Variants in RAB38 observed in about 807,000 individuals in gnomAD.
RAB38 encodes the protein ras-related protein Rab-38.
In RAB38, 15 loss-of-function variants were observed where a neutral mutation model predicts 18.4. The observed-to-expected ratio is 0.82, with a 90% CI of 0.55 to 1.26. RAB38 has a LOEUF of 1.26. Among genes scored for constraint, RAB38 ranks in the 50% most tolerant of loss-of-function variants. The pLI is 0.00. For missense variants in RAB38, 294 were observed against 267.4 expected (o/e 1.10, Z -0.69); for synonymous variants, 101 against 104.4 (o/e 0.97, Z 0.20).
intron 2 of RAB38, among the ~76,000 whole-genome samples, chr11:88,127,551 A>G (rs1942714247): frequency 1.3e-5 from 2 of 152,184 alleles, no homozygotes; most frequent in Admixed American, 1.3e-4. Context: ...TCATTAACCA[A>G]TTTTATATTA....
chr11:88,017,091 G>A, the RAB38 span, among the ~76,000 whole-genome samples: 1 of 152,060 alleles, frequency 6.6e-6, no homozygotes, highest in Non-Finnish European at 1.5e-5. Context: ...ATTTGAAGGA[G>A]GAGCAGCAGC....
At chr11:88,073,125 G>T in the RAB38 span, among the ~76,000 whole-genome samples, 1 of 152,134 alleles carries the variant, frequency 6.6e-6, no homozygotes, top group African/African-American at 2.4e-5. Flanking sequence ...ACCATCTTGT[G>T]TTTCTTGGCA....
chr11:88,035,617 C>A, the RAB38 span, among the ~76,000 whole-genome samples: 4 of 152,164 alleles, frequency 2.6e-5, no homozygotes, highest in African/African-American at 7.2e-5. Context: ...AAGACATAGA[C>A]CAGAAATCTA....
At chr11:88,148,224 T>C (rs1943016110) in intron 2 of RAB38, among the ~76,000 whole-genome samples, 1 of 152,132 alleles carries the variant, frequency 6.6e-6, no homozygotes, top group African/African-American at 2.4e-5. Context: ...TAAAAGCTAG[T>C]GACAGAAGAG....
chr11:87,957,817 G>T, the RAB38 span, among the ~76,000 whole-genome samples: 2 of 151,998 alleles, frequency 1.3e-5, no homozygotes, highest in African/African-American at 4.8e-5. Context: ...AGCATGAGAA[G>T]GTCAGAGTGA....
At chr11:88,109,141 CA>C (rs898104233), downstream of RAB38, among the ~76,000 whole-genome samples, 1 of 152,090 alleles carries the variant, frequency 6.6e-6, no homozygotes, top group African/African-American at 2.4e-5. Context: ...AACTATACTA[CA>C]AGGCTACAAT....
At chr11:87,951,972 G>T in the RAB38 span, among the ~76,000 whole-genome samples, 1 of 152,046 alleles carries the variant, frequency 6.6e-6, no homozygotes, top group Admixed American at 6.6e-5. Context: ...GCTCACGCTG[G>T]GAGCTGTAGA....
the RAB38 span, among the ~76,000 whole-genome samples, chr11:87,886,390 T>C: frequency 2.0e-5 from 3 of 151,798 alleles, no homozygotes; most frequent in Non-Finnish European, 4.4e-5. Flanking sequence ...TTCCAGTCTC[T>C]CCCCTGGTGA....
the RAB38 span, among the ~76,000 whole-genome samples, chr11:87,943,734 A>G: frequency 6.6e-5 from 10 of 152,188 alleles, no homozygotes; most frequent in Admixed American, 4.6e-4. Context: ...AATTGGAGAA[A>G]TGAAGGATGT....
At chr11:87,917,314 G>A in the RAB38 span, among the ~76,000 whole-genome samples, 1 of 152,054 alleles carries the variant, frequency 6.6e-6, no homozygotes, top group African/African-American at 2.4e-5. Flanking sequence ...GTGGTATAAG[G>A]CAGATATCTG....
chr11:88,114,181 T>C (rs1488873865), intron 2 of RAB38, 41 bp from the exon 3 acceptor site: 1 of 1,597,502 alleles, frequency 6.3e-7, no homozygotes, highest in Non-Finnish European at 8.6e-7. Flanking sequence ...TATTCAATAC[T>C]CTGAAATAAT....
chr11:88,025,503 G>A, the RAB38 span, among the ~76,000 whole-genome samples: 1 of 152,104 alleles, frequency 6.6e-6, no homozygotes, highest in East Asian at 1.9e-4. Flanking sequence ...CACCAACAGT[G>A]TATGTGTTCC....
the RAB38 span, among the ~76,000 whole-genome samples, chr11:87,977,959 A>T: frequency 8.8e-6 from 1 of 113,242 alleles, no homozygotes; most frequent in African/African-American, 3.6e-5. Flanking sequence ...TATAATATAT[A>T]AATAAGATAT....
chr11:88,156,776 C>T (rs1943132197), intron 1 of RAB38, among the ~76,000 whole-genome samples: 1 of 152,078 alleles, frequency 6.6e-6, no homozygotes, highest in African/African-American at 2.4e-5. Flanking sequence ...TCTTTCAAAA[C>T]AAGTAAGTCC....
the RAB38 span, among the ~76,000 whole-genome samples, chr11:87,857,940 T>C: frequency 1.3e-5 from 2 of 152,194 alleles, no homozygotes; most frequent in Admixed American, 6.5e-5. Flanking sequence ...TCCTTGTCCA[T>C]GCCTATGTCC....
the RAB38 span, among the ~76,000 whole-genome samples, chr11:87,969,474 G>C: frequency 5.9e-5 from 9 of 152,216 alleles, no homozygotes; most frequent in Admixed American, 5.2e-4. Context: ...TTACCTAAGG[G>C]AATGTTAGAC....
chr11:87,843,786 G>C, the RAB38 span, among the ~76,000 whole-genome samples: 1 of 152,148 alleles, frequency 6.6e-6, no homozygotes, highest in Non-Finnish European at 1.5e-5. Context: ...ATAGTTCTAA[G>C]CAAGGGTTCT....
At chr11:88,074,494 T>C in the RAB38 span, among the ~76,000 whole-genome samples, 10 of 152,304 alleles carry the variant, frequency 6.6e-5, no homozygotes, top group South Asian at 1.7e-3. Context: ...TAACTTGCTA[T>C]AACTGTAAGA....
the RAB38 span, among the ~76,000 whole-genome samples, chr11:87,882,990 AT>A: frequency 6.6e-6 from 1 of 151,812 alleles, no homozygotes; most frequent in East Asian, 2.0e-4. Flanking sequence ...GATTCATTGA[AT>A]TTTCACTGAT....
Sources: gnomAD v4.1 joint callset for allele counts (sites outside exome capture counted in the v4.1 genomes callset) on GRCh38, gnomAD v4.1.1 for gene constraint, MANE v1.5 for transcripts, NCBI Gene and HGNC (gene_info 2026-07-23, HGNC 2026-07-21) for gene names.